The following MCTP1 variants were observed in gnomAD, a reference collection of about 807,000 sequenced individuals.
MCTP1 encodes multiple C2 and transmembrane domain containing 1, also known as multiple C2 and transmembrane domain-containing protein 1.
In MCTP1, 69 loss-of-function variants were observed where a neutral mutation model predicts 120.6. That is an observed-to-expected ratio of 0.57 (90% CI 0.47 to 0.70). MCTP1 has a LOEUF of 0.70. MCTP1 is among the 30% of genes least tolerant of loss of function. MCTP1 has a pLI of 0.00. For synonymous variants in MCTP1, 529 were observed against 493.1 expected, an observed-to-expected ratio of 1.07 and a Z score of -0.96; for missense variants, 1,203 against 1,248.8, an observed-to-expected ratio of 0.96 and a Z score of 0.55.
At chr5:94,731,608 A>G (rs1206565893) in intron 19 of MCTP1, among the ~76,000 whole-genome samples, 1 of 152,220 alleles carries the variant, frequency 6.6e-6, no homozygotes, top group Non-Finnish European at 1.5e-5. Flanking sequence ...CAGGAAAGTT[A>G]CAACAATCTG....
In MCTP1 at chr5:94,963,354, A is replaced by ATTTATT. The variant is rs780142344; in HGVS notation, c.839-9994_839-9993insAATAAA. ...GATTGCTAGGTAATATTGTAATTCT[A>ATTTATT]TTTTTTTTTTTTTTTGAGAAACCTC... On this transcript the variant is annotated intron_variant, in intron 2 of 22. Coordinates refer to ENST00000515393, the MANE Select transcript of MCTP1 (RefSeq NM_024717.7). 3.6e-4 allele frequency among the ~76,000 whole-genome samples: 49 copies of ATTTATT among 136,804 alleles called. 1 individual carries two copies. Among genetic ancestry groups the ATTTATT allele is most frequent in the Middle Eastern group, 3.7e-3 (1 of 270 alleles). 89.7% of individuals were successfully genotyped at this position (136,804 alleles called of 152,430 possible).
chr5:95,065,140 AATT>A (rs1200638521), intron 1 of MCTP1, among the ~76,000 whole-genome samples: 24 of 151,932 alleles, frequency 1.6e-4, no homozygotes, highest in South Asian at 2.1e-4. Flanking sequence ...ACACTACTAA[AATT>A]ATTATTAATT....
chr5:95,176,209 C>G (rs1247166517), intron 1 of MCTP1, among the ~76,000 whole-genome samples: 1 of 151,996 alleles, frequency 6.6e-6, no homozygotes, highest in Admixed American at 6.5e-5. Context: ...CAGCACTATT[C>G]TAGGTCTGGG....
intron 2 of MCTP1, among the ~76,000 whole-genome samples, chr5:94,983,637 C>T (rs1464472434): frequency 2.5e-5 from 2 of 81,068 alleles, no homozygotes; most frequent in Admixed American, 1.6e-4. Flanking sequence ...GAGATCCTAT[C>T]TTTATCTGTC....
chr5:94,973,074 C>T (rs1167794595), intron 2 of MCTP1, among the ~76,000 whole-genome samples: 2 of 152,078 alleles, frequency 1.3e-5, no homozygotes, highest in African/African-American at 4.8e-5. Flanking sequence ...ACAAAGGAGG[C>T]ATCTAATAAA....
rs1039750491 is a variant in MCTP1, at chr5:94,704,894, G to C, written c.*2602C>G. ...CAATCAATCAATCAGTTTGAGTCTGGAACAGTACCAGAATGAATGAGAAGT... is the reference window on the plus strand; with the variant it reads ...CAATCAATCAATCAGTTTGAGTCTGCAACAGTACCAGAATGAATGAGAAGT... On this transcript the variant is annotated 3_prime_UTR_variant, in exon 23 of 23. Transcript: ENST00000515393. 10 of 151,020 alleles carry C rather than the reference G, an allele frequency of 6.6e-5. No individual in the cohort carries two copies. The highest frequency in any genetic ancestry group is 2.4e-4 in the African/African-American group (10 of 41,260). 9.4% of individuals were successfully genotyped at this position (151,020 alleles called of 1,614,324 possible).
chr5:94,923,754 T>C (rs1454574567), intron 7 of MCTP1, among the ~76,000 whole-genome samples: 1 of 152,166 alleles, frequency 6.6e-6, no homozygotes, highest in Non-Finnish European at 1.5e-5. Flanking sequence ...CAAAGAAATA[T>C]GTTCAATTTA....
intron 2 of MCTP1, among the ~76,000 whole-genome samples, chr5:94,996,258 C>A (rs1832600214): frequency 6.6e-6 from 1 of 152,144 alleles, no homozygotes; most frequent in African/African-American, 2.4e-5. Flanking sequence ...TGAAAGTTAT[C>A]CTCATTACAC....
intron 1 of MCTP1, among the ~76,000 whole-genome samples, chr5:95,024,367 A>G (rs922780429): frequency 1.3e-5 from 2 of 152,162 alleles, no homozygotes; most frequent in South Asian, 4.1e-4. Context: ...ACCACCTTAT[A>G]ATCTCAATGG....
At chr5:95,254,973 ATG>A (rs1757731096) in intron 1 of MCTP1, among the ~76,000 whole-genome samples, 2 of 152,232 alleles carry the variant, frequency 1.3e-5, no homozygotes, top group South Asian at 4.1e-4. Flanking sequence ...ATTTTTTTAA[ATG>A]GAATGGAAAA....
intron 1 of MCTP1, among the ~76,000 whole-genome samples, chr5:95,233,214 AG>A: frequency 6.6e-6 from 1 of 152,360 alleles, no homozygotes; most frequent in Admixed American, 6.5e-5. Flanking sequence ...ATATATTTAA[AG>A]GGATCCATAT....
At chr5:95,243,121 G>A (rs1343942911) in intron 1 of MCTP1, among the ~76,000 whole-genome samples, 2 of 152,142 alleles carry the variant, frequency 1.3e-5, no homozygotes, top group African/African-American at 4.8e-5. Context: ...TTAGACATCT[G>A]TCTCTGATGA....
chr5:95,090,515 C>A (rs151170654), intron 1 of MCTP1, among the ~76,000 whole-genome samples: 2 of 152,140 alleles, frequency 1.3e-5, no homozygotes, highest in African/African-American at 4.8e-5. Flanking sequence ...CTTCACAAGG[C>A]AGAGCAGGTA....
At chr5:95,024,197 T>C in intron 1 of MCTP1, 1 of 302,590 alleles carries the variant, frequency 3.3e-6, no homozygotes, top group South Asian at 2.7e-5. Flanking sequence ...AGAGCTTTCC[T>C]TGATTTTTTT....
In MCTP1 at chr5:94,781,208, C is replaced by T. The variant is rs117031185; in HGVS notation, c.2557-2045G>A. ...CAAGGAAAATGAGATGAATACTATA[C>T]TTTTACTCCTGTGAATAAAGTCATT... is the stretch of plus-strand genomic sequence containing the variant. On this transcript the variant is annotated intron_variant, in intron 18 of 22. Transcript: ENST00000515393. Among the ~76,000 whole-genome samples the T allele has an allele frequency of 6.1e-3, 927 of 151,146 alleles. 29 individuals are homozygous for T. The highest frequency in any genetic ancestry group is 0.05 in the Admixed American group (759 of 15,146).
At chr5:95,203,855 G>A (rs1280058064) in intron 1 of MCTP1, among the ~76,000 whole-genome samples, 1 of 152,166 alleles carries the variant, frequency 6.6e-6, no homozygotes, top group East Asian at 1.9e-4. Context: ...CACTGGATCA[G>A]ATAACTCACA....
intron 6 of MCTP1, chr5:94,930,983 T>C (rs1814516472): frequency 6.6e-6 from 1 of 152,166 alleles, no homozygotes; most frequent in Non-Finnish European, 1.5e-5. Flanking sequence ...CCTGACTTTT[T>C]TGTAAGCCAA....
At chr5:94,783,833 C>T (rs1777070657) in intron 18 of MCTP1, among the ~76,000 whole-genome samples, 1 of 152,046 alleles carries the variant, frequency 6.6e-6, no homozygotes, top group African/African-American at 2.4e-5. Context: ...CAAAAAAGAT[C>T]TTGGTTATGT....
At chr5:94,771,699 A>G (rs754011788) in intron 19 of MCTP1, among the ~76,000 whole-genome samples, 6 of 152,200 alleles carry the variant, frequency 3.9e-5, no homozygotes, top group Non-Finnish European at 8.8e-5. Flanking sequence ...ACAAATGAGG[A>G]ACTCAGATCT....
Sources: gnomAD v4.1 joint callset for allele counts (sites outside exome capture counted in the v4.1 genomes callset) on GRCh38, gnomAD v4.1.1 for gene constraint, MANE v1.5 for transcripts, NCBI Gene and HGNC (gene_info 2026-07-23, HGNC 2026-07-21) for gene names.